The following ETV6 variants were observed in gnomAD, a reference collection of about 807,000 sequenced individuals.
The protein encoded by ETV6 is ETS variant transcription factor 6, also known as transcription factor ETV6.
ETV6 carries 16 observed loss-of-function variants against 51.1 expected under a neutral mutation model. That is an observed-to-expected ratio of 0.31 (90% confidence interval 0.21 to 0.48). ETV6 has a LOEUF of 0.48. ETV6 is among the 20% of genes least tolerant of loss of function. The pLI is 0.99. For synonymous variants in ETV6, 240 were observed against 224.1 expected (o/e 1.07, Z -0.64); for missense variants, 458 against 594.8 (o/e 0.77, Z 2.39).
At chr12:11,791,985 CG>C (rs1555131442) in intron 2 of ETV6, among the ~76,000 whole-genome samples, 1 of 152,118 alleles carries the variant, frequency 6.6e-6, no homozygotes, top group Non-Finnish European at 1.5e-5. Context: ...TTGGGAGGGT[CG>C]TACACATCAC....
intron 1 of ETV6, among the ~76,000 whole-genome samples, chr12:11,661,676 A>G (rs1020742635): frequency 6.6e-6 from 1 of 152,234 alleles, no homozygotes; most frequent in Non-Finnish European, 1.5e-5. Context: ...CCTTCCCTTC[A>G]TCTGCTGACG....
At chr12:11,690,886 C>CTAAATAAATAAATAAG (rs1555114897) in intron 1 of ETV6, among the ~76,000 whole-genome samples, 4 of 140,580 alleles carry the variant, frequency 2.8e-5, no homozygotes, top group Non-Finnish European at 6.1e-5. Flanking sequence ...GACTCTGTCT[C>CTAAATAAATAAATAAG]TAAATAAATA....
chr12:11,803,509 TG>T (rs1435205882), intron 2 of ETV6, among the ~76,000 whole-genome samples: 96 of 152,354 alleles, frequency 6.3e-4, no homozygotes, highest in African/African-American at 2.3e-3. Context: ...AAGAATAAGC[TG>T]TCCTCGTGAT....
At chr12:11,852,247 A>G (rs1295261734) in intron 3 of ETV6, among the ~76,000 whole-genome samples, 3 of 152,214 alleles carry the variant, frequency 2.0e-5, no homozygotes, top group Non-Finnish European at 4.4e-5. Context: ...GGACACTTCA[A>G]ATACCAAATA....
chr12:11,738,898 C>T (rs1196651920), intron 1 of ETV6, among the ~76,000 whole-genome samples: 2 of 152,026 alleles, frequency 1.3e-5, no homozygotes, highest in African/African-American at 4.8e-5. Flanking sequence ...GGCTGCGCAA[C>T]GTTTTTTAGG....
intron 2 of ETV6, among the ~76,000 whole-genome samples, chr12:11,792,666 A>C (rs1230306419): frequency 6.7e-6 from 1 of 149,492 alleles, no homozygotes; most frequent in Non-Finnish European, 1.5e-5. Flanking sequence ...CAGCCTGGGC[A>C]ACAGAACAAG....
At chr12:11,656,652 T>C (rs1864003794) in intron 1 of ETV6, among the ~76,000 whole-genome samples, 1 of 152,126 alleles carries the variant, frequency 6.6e-6, no homozygotes, top group African/African-American at 2.4e-5. Context: ...CCCTTGTTGT[T>C]TTTCTCAGAT....
chr12:11,666,774 C>T (rs868263292), intron 1 of ETV6, among the ~76,000 whole-genome samples: 7 of 152,224 alleles, frequency 4.6e-5, no homozygotes, highest in Non-Finnish European at 8.8e-5. Context: ...TCCCCGAAAC[C>T]GTCACAAGTT....
chr12:11,762,422 G>T (rs78146543), intron 2 of ETV6, among the ~76,000 whole-genome samples: 6,285 of 152,286 alleles, frequency 0.041, 179 homozygotes, highest in Non-Finnish European at 0.06. Context: ...TTCAGTCTGC[G>T]TTTTTCTCCC....
intron 2 of ETV6, among the ~76,000 whole-genome samples, chr12:11,792,427 G>C (rs998037998): frequency 2.0e-5 from 3 of 152,148 alleles, no homozygotes; most frequent in Non-Finnish European, 4.4e-5. Context: ...GGTGGCTCAC[G>C]CCTGTAATCT....
At chr12:11,763,634 C>T (rs1945123315) in intron 2 of ETV6, among the ~76,000 whole-genome samples, 7 of 152,218 alleles carry the variant, frequency 4.6e-5, no homozygotes, top group Admixed American at 2.0e-4. Flanking sequence ...CACGTGCTTT[C>T]GTTGGGATCG....
At chr12:11,702,112 G>T (rs1428096549) in intron 1 of ETV6, among the ~76,000 whole-genome samples, 6 of 152,152 alleles carry the variant, frequency 3.9e-5, no homozygotes, top group Non-Finnish European at 8.8e-5. Context: ...GGGTGTGAAT[G>T]GATTGGAATG....
intron 1 of ETV6, among the ~76,000 whole-genome samples, chr12:11,723,316 A>G (rs1468765919): frequency 8.5e-5 from 13 of 152,198 alleles, no homozygotes; most frequent in Non-Finnish European, 1.5e-5. Flanking sequence ...CACTTACTAT[A>G]GGCCAGAGAT....
chr12:11,720,487 C>T (rs1195511156), intron 1 of ETV6, among the ~76,000 whole-genome samples: 3 of 152,140 alleles, frequency 2.0e-5, no homozygotes, highest in Admixed American at 2.0e-4. Flanking sequence ...GTAAAGGACT[C>T]CTTATTCATA....
At position 11,894,010 on chromosome 12, in the gene ETV6, T is replaced by G. The variant is rs1489060427; in HGVS notation, c.*2964T>G. 2 of 225,460 alleles carry G rather than the reference T, an allele frequency of 8.9e-6. No homozygotes were observed. The highest frequency in any genetic ancestry group is 1.8e-5 in the Non-Finnish European group (2 of 113,340). 14.0% of individuals were successfully genotyped at this position (225,460 alleles called of 1,614,324 possible). A position where few individuals can be genotyped will look rare whatever the true frequency, so the allele number is the denominator to read the frequency against. On this transcript the variant is annotated 3_prime_UTR_variant, in exon 8 of 8. Transcript: ENST00000396373. Reference sequence around the variant, plus strand: ...CTGCAAATGTCCTCTTCATTTGTTCTTTATGAGAAAACCCGGGTAGTGCCA... The same window carrying G: ...CTGCAAATGTCCTCTTCATTTGTTCGTTATGAGAAAACCCGGGTAGTGCCA...
chr12:11,708,113 G>T (rs1865106709), intron 1 of ETV6, among the ~76,000 whole-genome samples: 1 of 151,982 alleles, frequency 6.6e-6, no homozygotes, highest in African/African-American at 2.4e-5. Context: ...TTTCCTTCAG[G>T]GTAACCTTTG....
chr12:11,764,239 G>A (rs1407915430), intron 2 of ETV6, among the ~76,000 whole-genome samples: 1 of 148,824 alleles, frequency 6.7e-6, no homozygotes. Flanking sequence ...GGTAGAGTTG[G>A]AAATAAGCAC....
intron 1 of ETV6, among the ~76,000 whole-genome samples, chr12:11,695,857 G>A (rs1565489459): frequency 6.6e-6 from 1 of 152,164 alleles, no homozygotes. Flanking sequence ...GCAGCGCTTA[G>A]CATGTTCAGT....
rs1864883345 is a variant in ETV6, at chr12:11,696,603, AGTCAGGAGTTCGATACCAGCCTG to A, written c.33+46445_33+46467del. Among the ~76,000 whole-genome samples the A allele has an allele frequency of 5.9e-5, 9 of 152,278 alleles. 1 individual carries two copies. In the South Asian group the frequency reaches 1.9e-3, roughly 32 times the overall value. On this transcript the variant is annotated intron_variant, in intron 1 of 7. Coordinates refer to ENST00000396373, the MANE Select transcript of ETV6 (RefSeq NM_001987.5). ...GAAGCCGAGGCAAGAGGATCACTTGAGTCAGGAGTTCGATACCAGCCTGGGCAAGTGGTGAAACCCCATCTCAA... is the reference window on the plus strand; with the variant it reads ...GAAGCCGAGGCAAGAGGATCACTTGAGGCAAGTGGTGAAACCCCATCTCAA...
Sources: allele counts gnomAD v4.1 joint callset (sites outside exome capture counted in the v4.1 genomes callset), GRCh38; gene constraint gnomAD v4.1.1; transcripts MANE v1.5; gene names NCBI Gene and HGNC (gene_info 2026-07-23, HGNC 2026-07-21).